EXOC6: variants seen among roughly 807,000 people sequenced by gnomAD.
EXOC6 encodes the protein SEC15-like 1.
EXOC6 carries 60 observed loss-of-function variants against 112.5 expected under a neutral mutation model. That is an observed-to-expected ratio of 0.53 (90% CI 0.43 to 0.66). The LOEUF is 0.66. Ranked by LOEUF, EXOC6 falls within the 30% of genes least tolerant of loss-of-function variation. The pLI is 0.00. For synonymous variants in EXOC6, 295 were observed against 308.0 expected, an observed-to-expected ratio of 0.96 and a Z score of 0.44; for missense variants, 855 against 957.1, an observed-to-expected ratio of 0.89 and a Z score of 1.41.
intron 18 of EXOC6, among the ~76,000 whole-genome samples, chr10:92,986,077 T>A (rs1842993780): frequency 6.6e-6 from 1 of 152,170 alleles, no homozygotes; most frequent in Non-Finnish European, 1.5e-5. Context: ...ATTTATTGAA[T>A]CTAATTCATG....
At chr10:92,851,865 A>T (rs1395001132) in intron 1 of EXOC6, among the ~76,000 whole-genome samples, 3 of 152,018 alleles carry the variant, frequency 2.0e-5, no homozygotes, top group African/African-American at 7.2e-5. Context: ...GAGCTCAGGC[A>T]TACAAGACCA....
chr10:92,940,164 G>A (rs932383685), intron 12 of EXOC6, among the ~76,000 whole-genome samples: 2 of 152,142 alleles, frequency 1.3e-5, no homozygotes, highest in Admixed American at 6.5e-5. Flanking sequence ...AAACCTTGGA[G>A]AGACAAGTGG....
intron 5 of EXOC6, among the ~76,000 whole-genome samples, chr10:92,906,564 T>G (rs1253822396): frequency 6.6e-6 from 1 of 152,186 alleles, no homozygotes; most frequent in Admixed American, 6.5e-5. Context: ...AGACACCTTG[T>G]CAGAGGTTTA....
intron 1 of EXOC6, among the ~76,000 whole-genome samples, chr10:92,864,681 G>C (rs1434073389): frequency 6.6e-6 from 1 of 152,014 alleles, no homozygotes; most frequent in African/African-American, 2.4e-5. Flanking sequence ...GTGAAGGAAG[G>C]GTGAATTCTT....
At chr10:92,862,757 T>C (rs1847969886) in intron 1 of EXOC6, among the ~76,000 whole-genome samples, 1 of 152,212 alleles carries the variant, frequency 6.6e-6, no homozygotes, top group Non-Finnish European at 1.5e-5. Flanking sequence ...ATAGTCCACA[T>C]TTTATTTATT....
At chr10:92,992,251 G>A (rs1356859882) in intron 18 of EXOC6, among the ~76,000 whole-genome samples, 1 of 125,388 alleles carries the variant, frequency 8.0e-6, no homozygotes, top group Non-Finnish European at 1.5e-5. Context: ...TCCTTCCATT[G>A]CTCTCCAGCC....
Position 92,975,115 on chromosome 10 carries a change from A to G in EXOC6, c.1953+883A>G, listed in dbSNP as rs549062002. Among the ~76,000 whole-genome samples, 313 of 148,604 alleles carry G rather than the reference A, an allele frequency of 2.1e-3. 2 individuals carry two copies. The highest frequency in any genetic ancestry group is 7.5e-3 in the African/African-American group (301 of 39,930). On this transcript the variant is annotated intron_variant, in intron 18 of 21. Coordinates refer to ENST00000260762, the MANE Select transcript of EXOC6 (RefSeq NM_019053.6). ...TGCCCGGCCACCATCCCATCTAGGA[A>G]GTGAGGAGCGCCTCTTCCCGGCCGC...
chr10:92,911,759 C>G (rs1850775636), intron 6 of EXOC6, among the ~76,000 whole-genome samples: 1 of 152,074 alleles, frequency 6.6e-6, no homozygotes, highest in East Asian at 1.9e-4. Flanking sequence ...ACAATTTCTT[C>G]TTTTGGAAAT....
chr10:92,843,571 C>T (rs560220290), upstream of EXOC6, among the ~76,000 whole-genome samples: 3 of 152,278 alleles, frequency 2.0e-5, no homozygotes, highest in East Asian at 3.9e-4. Context: ...TGCATTTGGC[C>T]GGGCGCGGTG....
At chr10:92,879,474 GA>G (rs1337639107) in intron 1 of EXOC6, among the ~76,000 whole-genome samples, 3 of 151,570 alleles carry the variant, frequency 2.0e-5, no homozygotes, top group Non-Finnish European at 4.4e-5. Context: ...CTCTAAAAGA[GA>G]AAAAAAAGCT....
chr10:92,919,260 A>C (rs1342286733), intron 7 of EXOC6, among the ~76,000 whole-genome samples: 1 of 152,166 alleles, frequency 6.6e-6, no homozygotes, highest in Non-Finnish European at 1.5e-5. Flanking sequence ...TTTTACTACT[A>C]TACTGCACTA....
intron 20 of EXOC6, among the ~76,000 whole-genome samples, chr10:93,036,274 T>C (rs860669): frequency 0.13 from 19,602 of 151,986 alleles, 1,405 homozygotes; most frequent in African/African-American, 0.18. Context: ...TCTTCAGTCT[T>C]TCACAGTCAT....
intron 5 of EXOC6, among the ~76,000 whole-genome samples, chr10:92,907,291 A>G (rs1175246918): frequency 1.3e-5 from 2 of 152,154 alleles, no homozygotes; most frequent in Non-Finnish European, 2.9e-5. Flanking sequence ...GCAAATCATA[A>G]CCTTCCCTCC....
chr10:92,940,298 A>G (rs781198888), intron 12 of EXOC6, among the ~76,000 whole-genome samples: 41 of 152,172 alleles, frequency 2.7e-4, no homozygotes, highest in African/African-American at 5.1e-4. Flanking sequence ...AATTTTCCCA[A>G]TGTGACAAAC....
chr10:92,898,472 T>C (rs1849957889), intron 4 of EXOC6, among the ~76,000 whole-genome samples: 1 of 151,890 alleles, frequency 6.6e-6, no homozygotes, highest in African/African-American at 2.4e-5. Flanking sequence ...GCATTTATTT[T>C]CCTGGTGTAT....
intron 1 of EXOC6, among the ~76,000 whole-genome samples, chr10:92,856,765 A>G (rs1316517780): frequency 6.6e-6 from 1 of 152,068 alleles, no homozygotes; most frequent in Non-Finnish European, 1.5e-5. Flanking sequence ...TAGTTGTTCT[A>G]TCCATTATTG....
At chr10:93,028,017 T>G (rs1385422237) in intron 20 of EXOC6, among the ~76,000 whole-genome samples, 1 of 152,158 alleles carries the variant, frequency 6.6e-6, no homozygotes, top group Admixed American at 6.5e-5. Context: ...AAGACATTTG[T>G]GATTGGTCGT....
intron 8 of EXOC6, among the ~76,000 whole-genome samples, chr10:92,920,385 T>G (rs1372046531): frequency 2.0e-5 from 3 of 152,220 alleles, no homozygotes; most frequent in African/African-American, 7.2e-5. Context: ...ATGTTCCTTT[T>G]TAAAAATAAC....
At chr10:92,922,081 G>A (rs1352764573) in intron 8 of EXOC6, among the ~76,000 whole-genome samples, 2 of 152,052 alleles carry the variant, frequency 1.3e-5, no homozygotes, top group Admixed American at 6.6e-5. Flanking sequence ...AAGTAGCTGG[G>A]ATTACAGGCG....
Sources: gnomAD v4.1 joint callset for allele counts (sites outside exome capture counted in the v4.1 genomes callset) on GRCh38, gnomAD v4.1.1 for gene constraint, MANE v1.5 for transcripts, NCBI Gene and HGNC (gene_info 2026-07-23, HGNC 2026-07-21) for gene names.